Variants in SPATA16 observed in about 807,000 individuals in gnomAD.
SPATA16 encodes spermatogenesis-associated protein 16.
A neutral mutation model predicts 63.3 loss-of-function variants in SPATA16; 36 were observed. The ratio of observed to expected loss-of-function variants is 0.57; its 90% CI spans 0.44 to 0.75. SPATA16 has a LOEUF of 0.75. Ranked by LOEUF, SPATA16 falls within the 30% of genes least tolerant of loss-of-function variation. The pLI is 0.00. For synonymous variants in SPATA16, 203 were observed against 216.7 expected, an observed-to-expected ratio of 0.94 and a Z score of 0.56; for missense variants, 646 against 679.3, an observed-to-expected ratio of 0.95 and a Z score of 0.54.
intron 6 of SPATA16, among the ~76,000 whole-genome samples, chr3:172,938,343 G>A (rs1178787664): frequency 6.6e-6 from 1 of 152,188 alleles, no homozygotes; most frequent in African/African-American, 2.4e-5. Context: ...ATTGATAGGA[G>A]CAAACAATAG....
At chr3:173,104,659 C>G (rs1737578044) in intron 2 of SPATA16, among the ~76,000 whole-genome samples, 1 of 152,114 alleles carries the variant, frequency 6.6e-6, no homozygotes, top group Non-Finnish European at 1.5e-5. Context: ...CACCTCCCAC[C>G]AGTTCCCAAC....
intron 2 of SPATA16, among the ~76,000 whole-genome samples, chr3:173,065,490 C>A (rs1736497242): frequency 6.6e-6 from 1 of 152,280 alleles, no homozygotes; most frequent in East Asian, 1.9e-4. Context: ...CCAACAACAA[C>A]ACCAAATTTA....
intron 5 of SPATA16, among the ~76,000 whole-genome samples, chr3:172,960,994 TTC>T (rs889440732): frequency 2.7e-5 from 4 of 149,608 alleles, no homozygotes; most frequent in African/African-American, 9.9e-5. Context: ...TCTTTCTTTT[TTC>T]TTTCTCTTTC....
chr3:173,102,482 G>A (rs544012011), intron 2 of SPATA16, among the ~76,000 whole-genome samples: 102 of 152,308 alleles, frequency 6.7e-4, no homozygotes, highest in African/African-American at 2.4e-3. Flanking sequence ...CTAAGCAGGA[G>A]CAAGTATGTC....
In SPATA16 at chr3:172,925,531, TGG is replaced by T. The variant is rs753784960; in HGVS notation, c.1082-41_1082-40del. On this transcript the variant is annotated intron_variant, in intron 6 of 10. Coordinates refer to ENST00000351008, the MANE Select transcript of SPATA16 (RefSeq NM_031955.6). Reference sequence around the variant, plus strand: ...GAAAGAGAACTAAGAGGCTTTGTTATGGTTTTAATATTTTTAGGGTTTTCCCC... The same window carrying T: ...GAAAGAGAACTAAGAGGCTTTGTTATTTTTAATATTTTTAGGGTTTTCCCC... 2.0e-5 allele frequency: 33 copies of T among 1,613,538 alleles called. No homozygotes were observed. The Middle Eastern group carries it at 4.9e-4, about 24-fold the overall frequency.
At chr3:173,022,493 C>A (rs76371715) in intron 3 of SPATA16, among the ~76,000 whole-genome samples, 2,608 of 152,246 alleles carry the variant, frequency 0.017, 69 homozygotes, top group African/African-American at 0.059. Flanking sequence ...TTATCTTACG[C>A]CCCTGTTAGA....
chr3:173,011,259 G>A (rs1735068582), intron 4 of SPATA16, among the ~76,000 whole-genome samples: 1 of 152,108 alleles, frequency 6.6e-6, no homozygotes, highest in South Asian at 2.1e-4. Flanking sequence ...ATTCAACATA[G>A]GTGGATCAAT....
At chr3:172,959,965 T>C (rs1350496558) in intron 5 of SPATA16, among the ~76,000 whole-genome samples, 1 of 151,512 alleles carries the variant, frequency 6.6e-6, no homozygotes, top group African/African-American at 2.4e-5. Flanking sequence ...TTTGTGATGA[T>C]AATAATTTGG....
intron 4 of SPATA16, among the ~76,000 whole-genome samples, chr3:172,994,390 A>G (rs1340404724): frequency 1.3e-5 from 2 of 152,156 alleles, no homozygotes; most frequent in African/African-American, 4.8e-5. Context: ...CAGAGAAACC[A>G]GGGCAGATAG....
At chr3:172,903,627 A>G (rs1032118263) in intron 10 of SPATA16, among the ~76,000 whole-genome samples, 2 of 152,238 alleles carry the variant, frequency 1.3e-5, no homozygotes, top group African/African-American at 4.8e-5. Flanking sequence ...GGCGACAGTA[A>G]GTATACTGCA....
chr3:172,965,565 C>T (rs1326487133), intron 5 of SPATA16, among the ~76,000 whole-genome samples: 2 of 152,042 alleles, frequency 1.3e-5, no homozygotes, highest in African/African-American at 2.4e-5. Flanking sequence ...CTTGCCTCCC[C>T]GTAATTTCTT....
At chr3:173,002,925 C>T (rs1734857895) in intron 4 of SPATA16, among the ~76,000 whole-genome samples, 1 of 152,056 alleles carries the variant, frequency 6.6e-6, no homozygotes, top group African/African-American at 2.4e-5. Flanking sequence ...TGGGTTGAAA[C>T]TTTAAAGGAA....
intron 2 of SPATA16, among the ~76,000 whole-genome samples, chr3:173,079,046 A>G (rs1736870773): frequency 6.6e-6 from 1 of 152,176 alleles, no homozygotes; most frequent in Admixed American, 6.5e-5. Flanking sequence ...TATTCCTAAA[A>G]ATGTGTTTAT....
intron 2 of SPATA16, among the ~76,000 whole-genome samples, chr3:173,079,445 C>T (rs1328571114): frequency 6.6e-6 from 1 of 151,874 alleles, no homozygotes; most frequent in African/African-American, 2.4e-5. Flanking sequence ...GCTAAAATAA[C>T]ATTTTTTCCC....
intron 4 of SPATA16, 50 bp from the exon 5 acceptor site, chr3:172,977,102 A>T: frequency 3.4e-6 from 5 of 1,482,676 alleles, no homozygotes; most frequent in Non-Finnish European, 4.7e-6. Flanking sequence ...TGTATAGGAC[A>T]GAAGGAAAAC....
chr3:173,057,845 A>G (rs1364564991), intron 2 of SPATA16, among the ~76,000 whole-genome samples: 2 of 152,134 alleles, frequency 1.3e-5, no homozygotes, highest in African/African-American at 4.8e-5. Context: ...TTTATGTCTT[A>G]TTTTTACTTC....
chr3:173,047,730 C>T (rs1735989728), intron 3 of SPATA16, among the ~76,000 whole-genome samples: 6 of 151,826 alleles, frequency 4.0e-5, no homozygotes, highest in South Asian at 2.1e-4. Context: ...ATTGTTTGAC[C>T]GACCATATAT....
chr3:173,008,356 G>T (rs1306897196), intron 4 of SPATA16, among the ~76,000 whole-genome samples: 1 of 151,780 alleles, frequency 6.6e-6, no homozygotes. Context: ...CAGAGATCTG[G>T]GGCCTTCCAT....
At chr3:173,115,675 G>C (rs1329863397) in intron 2 of SPATA16, among the ~76,000 whole-genome samples, 3 of 152,028 alleles carry the variant, frequency 2.0e-5, no homozygotes, top group Non-Finnish European at 4.4e-5. Flanking sequence ...TATCTACTCA[G>C]GTCTGTTTTT....
Sources: gnomAD v4.1 joint callset for allele counts (sites outside exome capture counted in the v4.1 genomes callset) on GRCh38, gnomAD v4.1.1 for gene constraint, MANE v1.5 for transcripts, NCBI Gene and HGNC (gene_info 2026-07-23, HGNC 2026-07-21) for gene names.